Variants in GNAL observed in about 807,000 individuals in gnomAD.
The protein encoded by GNAL is G protein subunit alpha L, also known as guanine nucleotide-binding protein G(olf) subunit alpha.
In GNAL, 18 loss-of-function variants were observed where a neutral mutation model predicts 55.1. The ratio of observed to expected loss-of-function variants is 0.33; its 90% CI spans 0.23 to 0.48. The LOEUF (loss-of-function observed/expected upper bound fraction) is 0.48, where lower values mean the gene tolerates loss of function less well. Among genes scored for constraint, GNAL ranks in the 20% least tolerant of loss-of-function variants. The probability of loss-of-function intolerance (pLI) is 0.99; values close to 1 mark genes in which losing one functional copy is unlikely to be tolerated. For synonymous variants in GNAL, 253 were observed against 237.0 expected, an observed-to-expected ratio of 1.07 and a Z score of -0.62; for missense variants, 412 against 614.1, an observed-to-expected ratio of 0.67 and a Z score of 3.48.
chr18:11,807,891 G>T (rs2034706716), intron 4 of GNAL, among the ~76,000 whole-genome samples: 1 of 152,134 alleles, frequency 6.6e-6, no homozygotes, highest in Non-Finnish European at 1.5e-5. Context: ...CACGGGGAGG[G>T]TGTAGTCAGC....
At chr18:11,845,733 A>AAGGG (rs1340104580) in intron 5 of GNAL, among the ~76,000 whole-genome samples, 3 of 149,120 alleles carry the variant, frequency 2.0e-5, no homozygotes, top group Non-Finnish European at 3.0e-5. Flanking sequence ...TAAAGGAAGG[A>AAGGG]AGGGAGGGAG....
chr18:11,747,733 C>T (rs1480569992), intron 1 of GNAL, among the ~76,000 whole-genome samples: 1 of 151,872 alleles, frequency 6.6e-6, no homozygotes, highest in Non-Finnish European at 1.5e-5. Context: ...AAGAAAAAGA[C>T]TTCTGAGACA....
intron 4 of GNAL, among the ~76,000 whole-genome samples, chr18:11,799,094 C>A (rs1436372382): frequency 1.3e-5 from 2 of 149,564 alleles, no homozygotes; most frequent in East Asian, 3.9e-4. Context: ...GCCTGGGCAA[C>A]AGAGCGAGAG....
At chr18:11,754,510 T>G (rs1214648258) in intron 4 of GNAL, among the ~76,000 whole-genome samples, 3 of 152,194 alleles carry the variant, frequency 2.0e-5, no homozygotes, top group African/African-American at 7.2e-5. Flanking sequence ...AGCATACCTT[T>G]AAGAAATACT....
intron 5 of GNAL, among the ~76,000 whole-genome samples, chr18:11,839,016 C>T (rs186380597): frequency 7.2e-4 from 110 of 152,312 alleles, no homozygotes; most frequent in African/African-American, 2.6e-3. Context: ...ATCACTACTT[C>T]ATTCCTTTCA....
In GNAL at chr18:11,739,766, TG is replaced by T. The variant is rs756156071; in HGVS notation, c.377-13086del. Reference sequence around the variant, plus strand: ...TCCCGGGGTCTCACCTGTGGAAACCTGTGATGCCCACACCTCCCACACTGGT... The same window carrying T: ...TCCCGGGGTCTCACCTGTGGAAACCTTGATGCCCACACCTCCCACACTGGT... On this transcript the variant is annotated intron_variant, in intron 1 of 11. Transcript: ENST00000334049. Among the ~76,000 whole-genome samples, 189 of 152,188 alleles carry T rather than the reference TG, an allele frequency of 1.2e-3. 2 individuals are homozygous for T. The highest frequency in any genetic ancestry group is 3.9e-4 in the East Asian group (2 of 5,170).
intron 5 of GNAL, among the ~76,000 whole-genome samples, chr18:11,828,915 C>T (rs1003163712): frequency 6.6e-6 from 1 of 152,138 alleles, no homozygotes; most frequent in Non-Finnish European, 1.5e-5. Context: ...ATCCAAAGTC[C>T]TCAAAATAGT....
intron 1 of GNAL, among the ~76,000 whole-genome samples, chr18:11,708,779 T>C (rs930523781): frequency 1.3e-5 from 2 of 152,242 alleles, no homozygotes; most frequent in African/African-American, 4.8e-5. Flanking sequence ...TTGTTTCCTT[T>C]GCTGTGCAGA....
chr18:11,864,449 T>C, intron 6 of GNAL, 84 bp from the exon 7 acceptor site: 1 of 776,268 alleles, frequency 1.3e-6, no homozygotes, highest in African/African-American at 1.7e-5. Flanking sequence ...TTGAAAAATA[T>C]TGATGAGGTA....
In GNAL at chr18:11,754,128, A is replaced by G. The variant is rs573453197; in HGVS notation, c.624+183A>G. Among the ~76,000 whole-genome samples, 22 of 152,304 alleles carry G rather than the reference A, an allele frequency of 1.4e-4. No individual in the cohort carries two copies. In the East Asian group the frequency reaches 4.0e-3, roughly 28 times the overall value. On this transcript the variant is annotated intron_variant, in intron 4 of 11. Transcript: ENST00000334049. ...ATATTTGTGTTTGTTAAAAATATTAACTACGGCCAGGGGCGGTGGCTCACA... is the reference window on the plus strand; with the variant it reads ...ATATTTGTGTTTGTTAAAAATATTAGCTACGGCCAGGGGCGGTGGCTCACA...
chr18:11,821,701 A>G (rs1024864227), intron 4 of GNAL, among the ~76,000 whole-genome samples: 2 of 152,222 alleles, frequency 1.3e-5, no homozygotes, highest in Non-Finnish European at 2.9e-5. Context: ...AGGGCCTCCA[A>G]GCTGGGGAGC....
intron 4 of GNAL, among the ~76,000 whole-genome samples, chr18:11,788,561 T>C (rs925152048): frequency 1.4e-4 from 22 of 152,092 alleles, no homozygotes; most frequent in African/African-American, 5.3e-4. Context: ...TAAAACTTAT[T>C]AACAGTTATT....
intron 1 of GNAL, among the ~76,000 whole-genome samples, chr18:11,724,489 TG>T (rs1267010838): frequency 6.6e-6 from 1 of 152,080 alleles, no homozygotes; most frequent in African/African-American, 2.4e-5. Context: ...TTATTGGGGG[TG>T]CTTGCAAATC....
intron 6 of GNAL, among the ~76,000 whole-genome samples, chr18:11,862,850 T>C (rs373550585): frequency 4.0e-5 from 6 of 150,036 alleles, no homozygotes; most frequent in African/African-American, 1.2e-4. Context: ...GCATCCCCTT[T>C]GGGTTGAGTC....
chr18:11,830,801 G>A (rs930208746), intron 5 of GNAL, among the ~76,000 whole-genome samples: 1 of 152,116 alleles, frequency 6.6e-6, no homozygotes, highest in Non-Finnish European at 1.5e-5. Context: ...GCAATGAAAA[G>A]GAATAAAGTG....
chr18:11,834,817 T>C (rs1341784003), intron 5 of GNAL, among the ~76,000 whole-genome samples: 2 of 152,204 alleles, frequency 1.3e-5, no homozygotes, highest in East Asian at 1.9e-4. Context: ...ATAAACGTTA[T>C]ATTTATAGCG....
intron 5 of GNAL, 136 bp downstream of exon 5, chr18:11,825,151 T>C (rs2035207393): frequency 1.6e-6 from 1 of 610,190 alleles, no homozygotes; most frequent in Non-Finnish European, 2.9e-6. Flanking sequence ...AAATCAACTT[T>C]TAAAATGAGA....
At chr18:11,821,746 C>T (rs2035096662) in intron 4 of GNAL, among the ~76,000 whole-genome samples, 1 of 152,126 alleles carries the variant, frequency 6.6e-6, no homozygotes, top group African/African-American at 2.4e-5. Flanking sequence ...GCAGGTGGGG[C>T]GGTGATACTG....
At chr18:11,762,186 G>A (rs576296214) in intron 4 of GNAL, among the ~76,000 whole-genome samples, 6 of 152,286 alleles carry the variant, frequency 3.9e-5, no homozygotes, top group Non-Finnish European at 8.8e-5. Flanking sequence ...CCCAGTAGTT[G>A]GCGAAGATGG....
Sources: allele counts gnomAD v4.1 joint callset (sites outside exome capture counted in the v4.1 genomes callset), GRCh38; gene constraint gnomAD v4.1.1; transcripts MANE v1.5; gene names NCBI Gene and HGNC (gene_info 2026-07-23, HGNC 2026-07-21).